The following PDE4DIP variants were observed in gnomAD, a reference collection of about 807,000 sequenced individuals.
PDE4DIP encodes myomegalin.
In PDE4DIP, 59 loss-of-function variants were observed where a neutral mutation model predicts 221.4. The ratio of observed to expected loss-of-function variants is 0.27; its 90% CI spans 0.22 to 0.33. The LOEUF (loss-of-function observed/expected upper bound fraction) is 0.33. PDE4DIP is among the 10% of genes least tolerant of loss of function. The pLI, the probability that PDE4DIP is intolerant of heterozygous loss-of-function variation, is 1.00. For missense variants in PDE4DIP, 1,036 were observed against 2,154.2 expected, an observed-to-expected ratio of 0.48 and a Z score of 10.28; for synonymous variants, 404 against 815.9, an observed-to-expected ratio of 0.50 and a Z score of 8.60.
At chr1:148,932,869 A>G in intron 4 of PDE4DIP, 1 of 234,496 alleles carries the variant, frequency 4.3e-6, no homozygotes, top group South Asian at 6.9e-5. Flanking sequence ...AATCATAGAC[A>G]TTGGAGATGG....
intron 4 of PDE4DIP, among the ~76,000 whole-genome samples, chr1:148,936,982 C>T (rs200991080): frequency 2.7e-4 from 41 of 152,200 alleles, no homozygotes; most frequent in African/African-American, 5.1e-4. Flanking sequence ...CACTCTAAAA[C>T]GACAATGAAA....
At chr1:148,960,573 C>G in intron 5 of PDE4DIP, 81 bp from the exon 9 acceptor site, 1 of 190,756 alleles carries the variant, frequency 5.2e-6, no homozygotes, top group Non-Finnish European at 9.0e-6. Context: ...GCAAAAGATG[C>G]AACAGACATT....
intron 22 of PDE4DIP, among the ~76,000 whole-genome samples, chr1:148,996,196 ATTAAAG>A (rs782667110): frequency 2.7e-4 from 41 of 152,188 alleles, no homozygotes; most frequent in Non-Finnish European, 5.1e-4. Flanking sequence ...GGTAAACTTC[ATTAAAG>A]TTAGACATTA....
At chr1:148,944,003 G>A (rs1450846087) in intron 5 of PDE4DIP, among the ~76,000 whole-genome samples, 3 of 152,128 alleles carry the variant, frequency 2.0e-5, no homozygotes, top group Non-Finnish European at 4.4e-5. Context: ...CCATTATGTT[G>A]GGGGTTAGGA....
At chr1:148,937,707 C>G (rs781818931) in intron 4 of PDE4DIP, 40 bp from the exon 8 acceptor site, 8 of 1,054,836 alleles carry the variant, frequency 7.6e-6, no homozygotes, top group Non-Finnish European at 1.2e-5. Flanking sequence ...ATAATAGTAT[C>G]ATGATCATAA....
intron 30 of PDE4DIP, among the ~76,000 whole-genome samples, 198 bp from the exon 34 acceptor site, chr1:149,010,245 C>T (rs587609059): frequency 1.8e-4 from 28 of 152,116 alleles, no homozygotes; most frequent in Non-Finnish European, 2.9e-4. Flanking sequence ...CTCAGAGCAC[C>T]GCTGTCATCC....
chr1:148,907,003 C>T (rs1235768684), intron 1 of PDE4DIP, among the ~76,000 whole-genome samples: 9 of 151,410 alleles, frequency 5.9e-5, no homozygotes, highest in East Asian at 5.8e-4. Flanking sequence ...GTGCCAAGAT[C>T]GCGCCATTGC....
At chr1:148,897,918 T>A (rs1413867322) in intron 1 of PDE4DIP, among the ~76,000 whole-genome samples, 4 of 149,832 alleles carry the variant, frequency 2.7e-5, no homozygotes, top group South Asian at 2.1e-4. Context: ...ATCTCATTTT[T>A]TCAGAGCTTT....
intron 5 of PDE4DIP, among the ~76,000 whole-genome samples, chr1:148,955,201 C>A (rs57727454): frequency 9.3e-5 from 14 of 151,182 alleles, no homozygotes; most frequent in East Asian, 1.9e-4. Context: ...TTCAGTGGAG[C>A]CTCGCAGCTA....
chr1:148,979,065 C>T (rs1553540121), intron 19 of PDE4DIP, among the ~76,000 whole-genome samples: 1 of 151,790 alleles, frequency 6.6e-6, no homozygotes, highest in Non-Finnish European at 1.5e-5. Context: ...AAAGAAACCC[C>T]TACATTTGCC....
intron 5 of PDE4DIP, among the ~76,000 whole-genome samples, chr1:148,945,304 C>A: frequency 6.6e-6 from 1 of 152,216 alleles, no homozygotes; most frequent in South Asian, 2.1e-4. Flanking sequence ...TGTATTTGCA[C>A]AAACAGGTGG....
intron 21 of PDE4DIP, among the ~76,000 whole-genome samples, chr1:148,989,913 A>T (rs1208442587): frequency 6.6e-6 from 1 of 152,180 alleles, no homozygotes; most frequent in Non-Finnish European, 1.5e-5. Flanking sequence ...ACCTCTACTC[A>T]GCTAGTATCC....
chr1:148,961,002 G>A (rs77385040), intron 6 of PDE4DIP, among the ~76,000 whole-genome samples: 10,586 of 152,202 alleles, frequency 0.07, 797 homozygotes, highest in East Asian at 0.44. Context: ...TGCTTTTCAG[G>A]TGTGTAATTA....
At chr1:148,915,134 T>TTTTGTTTGTTTGTTTG (rs58167922) in intron 1 of PDE4DIP, among the ~76,000 whole-genome samples, 2 of 149,878 alleles carry the variant, frequency 1.3e-5, no homozygotes, top group Admixed American at 6.6e-5. Context: ...CTTCTGGTTT[T>TTTTGTTTGTTTGTTTG]TTTGTTTGTT....
chr1:148,828,861 C>A (rs1553367151), intron 1 of PDE4DIP, among the ~76,000 whole-genome samples: 1 of 151,276 alleles, frequency 6.6e-6, no homozygotes, highest in Admixed American at 6.6e-5. Flanking sequence ...ACAGACAAGG[C>A]TAACCATTGA....
intron 5 of PDE4DIP, among the ~76,000 whole-genome samples, chr1:148,949,795 T>C (rs782680674): frequency 2.5e-4 from 38 of 152,096 alleles, no homozygotes; most frequent in Non-Finnish European, 4.1e-4. Context: ...CAATAGCTTA[T>C]ATCCACTTTG....
At chr1:148,952,620 CA>C (rs1553491406) in intron 5 of PDE4DIP, 1 of 1,402,104 alleles carries the variant, frequency 7.1e-7, no homozygotes, top group African/African-American at 1.5e-5. Flanking sequence ...GCGCGCGGGG[CA>C]GGGGCGCGCC....
At chr1:149,012,891 G>A in intron 32 of PDE4DIP, 115 bp downstream of exon 35, 1 of 571,188 alleles carries the variant, frequency 1.8e-6, no homozygotes, top group South Asian at 2.6e-5. Flanking sequence ...CGTTACAAAT[G>A]TAAGAGGGAG....
intron 21 of PDE4DIP, chr1:148,981,960 T>C (rs1574828122): frequency 6.3e-6 from 1 of 157,628 alleles, no homozygotes. Context: ...AAAAGTGATA[T>C]AATCCTTATC....
Sources: allele counts gnomAD v4.1 joint callset (sites outside exome capture counted in the v4.1 genomes callset), GRCh38; gene constraint gnomAD v4.1.1; transcripts MANE v1.5; gene names NCBI Gene and HGNC (gene_info 2026-07-23, HGNC 2026-07-21).